Variants in GRIN2A observed in about 807,000 individuals in gnomAD.
GRIN2A encodes the protein glutamate ionotropic receptor NMDA type subunit 2A, also known as glutamate receptor ionotropic, NMDA 2A.
A neutral mutation model predicts 113.4 loss-of-function variants in GRIN2A; 22 were observed. That is an observed-to-expected ratio of 0.19 (90% confidence interval 0.14 to 0.28). The LOEUF (loss-of-function observed/expected upper bound fraction) is 0.28, where lower values mean the gene tolerates loss of function less well. GRIN2A is among the 10% of genes least tolerant of loss of function. The pLI, the probability that GRIN2A is intolerant of heterozygous loss-of-function variation, is 1.00. For synonymous variants in GRIN2A, 827 were observed against 738.4 expected (o/e 1.12, Z -1.94); for missense variants, 1,502 against 1,887.0 (o/e 0.80, Z 3.78).
chr16:10,076,989 T>A (rs1281061911), intron 2 of GRIN2A, among the ~76,000 whole-genome samples: 1 of 152,174 alleles, frequency 6.6e-6, no homozygotes, highest in Non-Finnish European at 1.5e-5. Flanking sequence ...GGGGCCAATA[T>A]CATCACCAGG....
intron 2 of GRIN2A, among the ~76,000 whole-genome samples, chr16:10,092,627 C>G (rs889992029): frequency 2.0e-5 from 3 of 152,158 alleles, no homozygotes; most frequent in Non-Finnish European, 4.4e-5. Flanking sequence ...TAATTTAATG[C>G]TCATAACAAC....
At chr16:9,821,902 T>C (rs1477576105) in intron 10 of GRIN2A, among the ~76,000 whole-genome samples, 1 of 152,218 alleles carries the variant, frequency 6.6e-6, no homozygotes, top group Non-Finnish European at 1.5e-5. Context: ...TCAGAAAACC[T>C]CCTACCTAAA....
At chr16:9,848,543 G>T (rs539210851) in intron 5 of GRIN2A, among the ~76,000 whole-genome samples, 2 of 149,960 alleles carry the variant, frequency 1.3e-5, no homozygotes, top group African/African-American at 4.9e-5. Flanking sequence ...ATAAAAATAC[G>T]ATGTTTTATA....
At chr16:10,025,337 T>C (rs2046801007) in intron 2 of GRIN2A, among the ~76,000 whole-genome samples, 1 of 142,328 alleles carries the variant, frequency 7.0e-6, no homozygotes, top group South Asian at 2.3e-4. Context: ...GGGTCTTGTT[T>C]TGTCATCCAG....
chr16:9,991,252 CA>C (rs2046107589), intron 2 of GRIN2A, among the ~76,000 whole-genome samples: 1 of 152,058 alleles, frequency 6.6e-6, no homozygotes, highest in Admixed American at 6.6e-5. Flanking sequence ...ACTCCATTTG[CA>C]AAGAAGGGAT....
intron 2 of GRIN2A, among the ~76,000 whole-genome samples, chr16:10,122,610 A>T (rs200346858): frequency 6.0e-4 from 91 of 152,280 alleles, no homozygotes; most frequent in East Asian, 4.2e-3. Context: ...CACCCCCCCA[A>T]AAAATGGGGA....
At chr16:10,101,578 G>GCGA (rs1567299482) in intron 2 of GRIN2A, among the ~76,000 whole-genome samples, 3 of 151,288 alleles carry the variant, frequency 2.0e-5, no homozygotes, top group Non-Finnish European at 4.4e-5. Flanking sequence ...CATTTAGGTG[G>GCGA]TGATGTTGCC....
chr16:10,130,492 A>G (rs1360379924), intron 2 of GRIN2A, among the ~76,000 whole-genome samples: 1 of 152,246 alleles, frequency 6.6e-6, no homozygotes, highest in Non-Finnish European at 1.5e-5. Context: ...GCTGCTGAGT[A>G]GACTTTAAAT....
chr16:9,813,678 T>C (rs1372813646), intron 10 of GRIN2A, among the ~76,000 whole-genome samples: 1 of 151,022 alleles, frequency 6.6e-6, no homozygotes, highest in African/African-American at 2.4e-5. Flanking sequence ...AGGAAATAAT[T>C]CCAAGAACCC....
chr16:9,767,921 G>C (rs1279151323), intron 12 of GRIN2A, among the ~76,000 whole-genome samples: 2 of 152,154 alleles, frequency 1.3e-5, no homozygotes, highest in Non-Finnish European at 2.9e-5. Context: ...GGCATGTTCT[G>C]TTACAATGCA....
intron 4 of GRIN2A, among the ~76,000 whole-genome samples, chr16:9,851,727 T>C (rs1428582837): frequency 6.6e-6 from 1 of 152,212 alleles, no homozygotes; most frequent in African/African-American, 2.4e-5. Flanking sequence ...CTTCATCCAC[T>C]AGCTGAGTAG....
At chr16:9,990,561 GCGCACACACACACACA>G (rs1346904772) in intron 2 of GRIN2A, among the ~76,000 whole-genome samples, 3 of 128,678 alleles carry the variant, frequency 2.3e-5, no homozygotes, top group African/African-American at 5.5e-5. Flanking sequence ...GCGCGCGCGC[GCGCACACACACACACA>G]CACACACACA....
At chr16:10,061,711 A>G (rs2047553596) in intron 2 of GRIN2A, among the ~76,000 whole-genome samples, 1 of 152,220 alleles carries the variant, frequency 6.6e-6, no homozygotes, top group South Asian at 2.1e-4. Flanking sequence ...AAAGGCAACA[A>G]AAAAGTCACA....
At chr16:10,060,198 T>G (rs563962190) in intron 2 of GRIN2A, among the ~76,000 whole-genome samples, 1 of 152,158 alleles carries the variant, frequency 6.6e-6, no homozygotes, top group African/African-American at 2.4e-5. Flanking sequence ...GAGAAAGGAT[T>G]GAGAACAATC....
chr16:10,018,878 C>T (rs1038671079), intron 2 of GRIN2A, among the ~76,000 whole-genome samples: 2 of 152,162 alleles, frequency 1.3e-5, no homozygotes, highest in African/African-American at 4.8e-5. Context: ...GTTACAGCTC[C>T]ACCTTCCCAA....
chr16:10,005,746 C>G (rs1270434556), intron 2 of GRIN2A, among the ~76,000 whole-genome samples: 1 of 152,204 alleles, frequency 6.6e-6, no homozygotes, highest in Non-Finnish European at 1.5e-5. Flanking sequence ...CATCCTGTGG[C>G]CTGTCACTTT....
intron 11 of GRIN2A, among the ~76,000 whole-genome samples, chr16:9,778,076 A>G (rs2267781): frequency 6.6e-6 from 1 of 151,942 alleles, no homozygotes; most frequent in African/African-American, 2.4e-5. Context: ...AAACAACAAC[A>G]ACAAAAAACC....
chr16:10,175,032 C>T (rs1235005637), intron 2 of GRIN2A, among the ~76,000 whole-genome samples: 1 of 152,206 alleles, frequency 6.6e-6, no homozygotes, highest in East Asian at 1.9e-4. Context: ...TACACAAATA[C>T]TCACCAATGT....
intron 11 of GRIN2A, among the ~76,000 whole-genome samples, chr16:9,771,826 TAC>T (rs1437473907): frequency 1.3e-5 from 2 of 152,220 alleles, no homozygotes; most frequent in African/African-American, 4.8e-5. Flanking sequence ...CTTTGATTAC[TAC>T]ACCATTTAAG....
Sources: allele counts gnomAD v4.1 joint callset (sites outside exome capture counted in the v4.1 genomes callset), GRCh38; gene constraint gnomAD v4.1.1; transcripts MANE v1.5; gene names NCBI Gene and HGNC (gene_info 2026-07-23, HGNC 2026-07-21).